TTC39C: variants seen among roughly 807,000 people sequenced by gnomAD.
TTC39C encodes tetratricopeptide repeat domain 39C, also known as tetratricopeptide repeat protein 39C.
A neutral mutation model predicts 76.3 loss-of-function variants in TTC39C; 33 were observed. That is an observed-to-expected ratio of 0.43 (90% CI 0.33 to 0.58). The LOEUF (loss-of-function observed/expected upper bound fraction) is 0.58. Among genes scored for constraint, TTC39C ranks in the 20% least tolerant of loss-of-function variants. The pLI, the probability that TTC39C is intolerant of heterozygous loss-of-function variation, is 0.04. For synonymous variants in TTC39C, 254 were observed against 260.6 expected (o/e 0.97, Z 0.24); for missense variants, 595 against 701.4 (o/e 0.85, Z 1.71).
At chr18:24,100,857 A>G (rs1599325680) in intron 6 of TTC39C, among the ~76,000 whole-genome samples, 1 of 152,332 alleles carries the variant, frequency 6.6e-6, no homozygotes, top group East Asian at 1.9e-4. Context: ...TTTCTGAAGC[A>G]CCAGCCCAGT....
intron 1 of TTC39C, among the ~76,000 whole-genome samples, chr18:24,027,880 C>G (rs2083617908): frequency 1.7e-5 from 1 of 58,010 alleles, no homozygotes; most frequent in Non-Finnish European, 3.3e-5. Context: ...TTGACCTATC[C>G]AAGGCTGCAT....
At chr18:24,118,554 T>C (rs2084924448) in intron 8 of TTC39C, among the ~76,000 whole-genome samples, 1 of 152,186 alleles carries the variant, frequency 6.6e-6, no homozygotes, top group Non-Finnish European at 1.5e-5. Flanking sequence ...TTGCCCTAAG[T>C]TGCCTCAACC....
chr18:24,036,263 A>G (rs2083731060), intron 1 of TTC39C, among the ~76,000 whole-genome samples: 1 of 152,208 alleles, frequency 6.6e-6, no homozygotes, highest in Non-Finnish European at 1.5e-5. Context: ...TTCTGCATAG[A>G]AGACGTTGGT....
rs1373805425 is a variant in TTC39C, at chr18:24,024,000, A to C, written c.167+8962A>C. Reference sequence around the variant, plus strand: ...TATATACATATATATATATATATATATATATATATATATATATTTTTTTTT... The same window carrying C: ...TATATACATATATATATATATATATCTATATATATATATATATTTTTTTTT... On this transcript the variant is annotated intron_variant, in intron 1 of 13. Coordinates refer to ENST00000317571, the MANE Select transcript of TTC39C (RefSeq NM_001135993.2). Among the ~76,000 whole-genome samples the C allele has an allele frequency of 5.6e-3, 22 of 3,922 alleles. 3 individuals are homozygous for C. The highest frequency in any genetic ancestry group is 0.012 in the South Asian group (1 of 86). The allele number at this position is 3,922 out of a possible 152,430, so 2.6% of individuals were successfully genotyped here. A position where few individuals can be genotyped will look rare whatever the true frequency, so the allele number is the denominator to read the frequency against.
At chr18:24,107,311 G>A (rs1431560979) in intron 6 of TTC39C, among the ~76,000 whole-genome samples, 4 of 142,030 alleles carry the variant, frequency 2.8e-5, no homozygotes, top group South Asian at 2.3e-4. Context: ...ACACACACAC[G>A]CACGCATGTG....
chr18:24,042,318 G>A (rs888866190), intron 1 of TTC39C, among the ~76,000 whole-genome samples: 11 of 152,134 alleles, frequency 7.2e-5, no homozygotes, highest in Admixed American at 2.0e-4. Flanking sequence ...GGGAGATTGC[G>A]GGGGATGGTT....
Position 24,135,534 on chromosome 18 carries a change from A to G in TTC39C, c.*2960A>G, listed in dbSNP as rs2085189926. ...TGAACTGATTGTGATCTGCTTGGTAACTTGGTTTGGTGTAAACTGCTCTTA... is the reference window on the plus strand; with the variant it reads ...TGAACTGATTGTGATCTGCTTGGTAGCTTGGTTTGGTGTAAACTGCTCTTA... On this transcript the variant is annotated 3_prime_UTR_variant, in exon 14 of 14. Coordinates refer to ENST00000317571, the MANE Select transcript of TTC39C (RefSeq NM_001135993.2). 6.5e-6 allele frequency: 1 copy of G among 153,256 alleles called. No homozygotes were observed. The highest frequency in any genetic ancestry group is 2.1e-4 in the South Asian group (1 of 4,824). 9.5% of individuals were successfully genotyped at this position (153,256 alleles called of 1,614,324 possible). A position where few individuals can be genotyped will look rare whatever the true frequency, so the allele number is the denominator to read the frequency against.
At chr18:24,105,551 C>T (rs565400783) in intron 6 of TTC39C, among the ~76,000 whole-genome samples, 1 of 152,204 alleles carries the variant, frequency 6.6e-6, no homozygotes. Context: ...CAGGCAGGCA[C>T]CACACTGGCC....
At chr18:24,093,352 G>A (rs559130637) in intron 6 of TTC39C, among the ~76,000 whole-genome samples, 6 of 152,052 alleles carry the variant, frequency 3.9e-5, no homozygotes, top group East Asian at 3.9e-4. Flanking sequence ...GGTGGCGGGC[G>A]CCTGTAGTCC....
chr18:24,044,764 A>G (rs938258982), intron 1 of TTC39C, among the ~76,000 whole-genome samples: 28 of 152,200 alleles, frequency 1.8e-4, no homozygotes, highest in Non-Finnish European at 2.6e-4. Flanking sequence ...AGAATTCTTA[A>G]TTTCAGGTAG....
upstream of TTC39C, among the ~76,000 whole-genome samples, chr18:24,011,235 C>T (rs540362727): frequency 6.6e-6 from 1 of 152,202 alleles, no homozygotes; most frequent in Non-Finnish European, 1.5e-5. Flanking sequence ...CAGACCCTGA[C>T]TGGCATAATC....
At chr18:24,046,222 G>A (rs1483556292) in intron 1 of TTC39C, among the ~76,000 whole-genome samples, 2 of 151,814 alleles carry the variant, frequency 1.3e-5, no homozygotes, top group East Asian at 1.9e-4. Context: ...ACAGGCATGA[G>A]CCACCGTGCC....
At chr18:24,008,896 G>T (rs2083374709) in intron 1 of TTC39C, among the ~76,000 whole-genome samples, 2 of 152,328 alleles carry the variant, frequency 1.3e-5, no homozygotes, top group Admixed American at 6.5e-5. Context: ...CATGTCCTTT[G>T]CAGGGACATG....
intron 10 of TTC39C, among the ~76,000 whole-genome samples, chr18:24,126,900 C>T (rs951557901): frequency 2.6e-5 from 4 of 152,034 alleles, no homozygotes; most frequent in Non-Finnish European, 4.4e-5. Context: ...ATGTCTAACT[C>T]AAAGGAACAA....
In TTC39C at chr18:24,080,838, C is replaced by A; in HGVS notation, c.714C>A (p.Leu238=). The A allele has an allele frequency of 6.2e-7, 1 of 1,614,156 alleles. No homozygotes were observed. Among genetic ancestry groups the A allele is most frequent in the East Asian group, 2.2e-5 (1 of 44,874 alleles). The stretch of plus-strand genomic sequence containing the variant: ...TATCCATGGTGCCCCCAAACCTGCT[C>A]AAAATCATCAACCTGCTGGGTTTTC... ...LCISMVPPNL[L]KIINLLGFPG... The change falls in exon 5 of 14, where the codon CTC becomes CTA. Residue 238 remains leucine, a synonymous_variant. Transcript: ENST00000317571.
chr18:24,081,049 A>G, intron 5 of TTC39C, 110 bp downstream of exon 5: 1 of 1,002,726 alleles, frequency 1.0e-6, no homozygotes, highest in African/African-American at 1.6e-5. Flanking sequence ...GTTGGTTGAC[A>G]GGGTGCTGTG....
intron 8 of TTC39C, among the ~76,000 whole-genome samples, chr18:24,123,032 A>G (rs80345019): frequency 0.029 from 4,487 of 152,268 alleles, 119 homozygotes; most frequent in South Asian, 0.12. Flanking sequence ...TTTCTTCTTC[A>G]CATTGTTGCT....
chr18:23,994,868 G>A (rs1308726598), intron 1 of TTC39C, among the ~76,000 whole-genome samples: 1 of 151,968 alleles, frequency 6.6e-6, no homozygotes, highest in African/African-American at 2.4e-5. Flanking sequence ...CATTGGTCTG[G>A]GAGTGGCCTG....
chr18:24,043,463 C>T (rs573276347), intron 1 of TTC39C, among the ~76,000 whole-genome samples: 45 of 152,254 alleles, frequency 3.0e-4, no homozygotes, highest in Middle Eastern at 3.4e-3. Flanking sequence ...TTAGAGCATT[C>T]GGCAACAGAA....
Sources: allele counts gnomAD v4.1 joint callset (sites outside exome capture counted in the v4.1 genomes callset), GRCh38; gene constraint gnomAD v4.1.1; transcripts MANE v1.5; gene names NCBI Gene and HGNC (gene_info 2026-07-23, HGNC 2026-07-21).